Variants in PPP1R12B observed in about 807,000 individuals in gnomAD.
The protein encoded by PPP1R12B is myosin phosphatase target subunit 2.
A neutral mutation model predicts 126.1 loss-of-function variants in PPP1R12B; 76 were observed. That is an observed-to-expected ratio of 0.60 (90% CI 0.50 to 0.73). The LOEUF is 0.73. PPP1R12B is among the 30% of genes least tolerant of loss of function. The pLI is 0.00. For missense variants in PPP1R12B, 1,052 were observed against 1,205.1 expected (o/e 0.87, Z 1.88); for synonymous variants, 356 against 434.7 (o/e 0.82, Z 2.25).
intron 6 of PPP1R12B, 109 bp from the exon 7 acceptor site, chr1:202,430,622 G>A (rs1471056875): frequency 8.6e-7 from 1 of 1,161,366 alleles, no homozygotes; most frequent in African/African-American, 1.6e-5. Flanking sequence ...CCTCTTTGGT[G>A]TTGGTCCTAT....
chr1:202,365,789 GA>G (rs1659106663), intron 1 of PPP1R12B, among the ~76,000 whole-genome samples: 1 of 152,012 alleles, frequency 6.6e-6, no homozygotes, highest in Non-Finnish European at 1.5e-5. Context: ...CGGATTGCTT[GA>G]TCTTAGCCTG....
chr1:202,550,661 T>C (rs1686216107), intron 18 of PPP1R12B, among the ~76,000 whole-genome samples: 1 of 152,168 alleles, frequency 6.6e-6, no homozygotes, highest in Admixed American at 6.5e-5. Flanking sequence ...AAAGTAAATA[T>C]AGATATTAAA....
At chr1:202,529,639 T>G (rs956386393) in intron 18 of PPP1R12B, among the ~76,000 whole-genome samples, 13 of 152,170 alleles carry the variant, frequency 8.5e-5, no homozygotes, top group African/African-American at 2.9e-4. Context: ...TTCTGAACCT[T>G]CTTTAAGTTA....
Position 202,432,965 on chromosome 1 carries a change from T to G in PPP1R12B, c.1141+1346T>G, listed in dbSNP as rs113297202. Among the ~76,000 whole-genome samples, 278 of 152,304 alleles carry G rather than the reference T, an allele frequency of 1.8e-3. 2 individuals carry two copies. Among genetic ancestry groups the G allele is most frequent in the African/African-American group, 6.5e-3 (270 of 41,580 alleles). On this transcript the variant is annotated intron_variant, in intron 8 of 23. Transcript: ENST00000608999. Reference sequence around the variant, plus strand: ...CATGATGGGAGAATACTACCCTTCTTCATGTCTCAGTCTCTGAGGCTCACT... The same window carrying G: ...CATGATGGGAGAATACTACCCTTCTGCATGTCTCAGTCTCTGAGGCTCACT...
In PPP1R12B at chr1:202,495,658, A is replaced by C; in HGVS notation, c.2424A>C (p.Thr808=). The C allele has an allele frequency of 6.2e-7, 1 of 1,614,160 alleles. No individual in the cohort carries two copies. Reference sequence around the variant, plus strand: ...GGCCCAAGGAACGACGAAGAGGCACAGGCATCAATTTCTGGACAAAGGATG... The same window carrying C: ...GGCCCAAGGAACGACGAAGAGGCACCGGCATCAATTTCTGGACAAAGGATG... ...RRRPKERRRG[T]GINFWTKDED... The change falls in exon 17 of 24, where the codon ACA becomes ACC. Residue 808 remains threonine (T), a synonymous_variant. Coordinates refer to ENST00000608999, the MANE Select transcript of PPP1R12B (RefSeq NM_002481.4).
chr1:202,496,692 A>G (rs927270706), intron 17 of PPP1R12B, 89 bp from the exon 18 acceptor site: 2 of 1,146,824 alleles, frequency 1.7e-6, no homozygotes, highest in Non-Finnish European at 1.3e-6. Context: ...TGAAATGCCA[A>G]GATGCATAAT....
chr1:202,577,032 A>G (rs1231359491), intron 23 of PPP1R12B: 1 of 152,224 alleles, frequency 6.6e-6, no homozygotes, highest in Non-Finnish European at 1.5e-5. Context: ...CTATTGAGCA[A>G]CTACACTGTG....
intron 12 of PPP1R12B, among the ~76,000 whole-genome samples, chr1:202,447,965 C>T (rs1419709782): frequency 6.6e-6 from 1 of 150,592 alleles, no homozygotes; most frequent in Non-Finnish European, 1.5e-5. Context: ...TTACATGTAT[C>T]TTTTAAAATA....
At chr1:202,412,471 C>T (rs1453720754) in intron 1 of PPP1R12B, among the ~76,000 whole-genome samples, 1 of 152,136 alleles carries the variant, frequency 6.6e-6, no homozygotes, top group Non-Finnish European at 1.5e-5. Context: ...TATTTTAGGG[C>T]CTCTGGAATG....
At chr1:202,509,597 T>G (rs1681204742) in intron 18 of PPP1R12B, among the ~76,000 whole-genome samples, 1 of 152,222 alleles carries the variant, frequency 6.6e-6, no homozygotes, top group Non-Finnish European at 1.5e-5. Flanking sequence ...TAAATTTGCC[T>G]TTAAGGCTCA....
intron 1 of PPP1R12B, among the ~76,000 whole-genome samples, chr1:202,362,278 C>A (rs567996815): frequency 2.7e-4 from 41 of 152,156 alleles, no homozygotes; most frequent in Non-Finnish European, 4.6e-4. Context: ...AATTGTTCCT[C>A]CTTGACAGTA....
At chr1:202,449,725 C>T (rs1305429828) in intron 13 of PPP1R12B, among the ~76,000 whole-genome samples, 1 of 151,996 alleles carries the variant, frequency 6.6e-6, no homozygotes, top group Admixed American at 6.5e-5. Context: ...CTTGCTCTGT[C>T]GCCCAGGCTG....
Position 202,591,027 on chromosome 1 carries a change from T to C in PPP1R12B, c.*10467T>C, listed in dbSNP as rs935521599. The C allele has an allele frequency of 2.0e-5, 3 of 152,304 alleles. No homozygotes were observed. Among genetic ancestry groups the C allele is most frequent in the Non-Finnish European group, 4.4e-5 (3 of 68,116 alleles). 9.4% of individuals were successfully genotyped at this position (152,304 alleles called of 1,614,324 possible). ...CACCAGACAGATGCTCTCTCAACTC[T>C]TGCCTCAATTTGTCTCTGCTGTGGG... On this transcript the variant is annotated 3_prime_UTR_variant, in exon 24 of 24. Transcript: ENST00000608999.
intron 18 of PPP1R12B, among the ~76,000 whole-genome samples, chr1:202,555,740 A>G (rs1317035935): frequency 6.6e-6 from 1 of 152,166 alleles, no homozygotes; most frequent in Admixed American, 6.5e-5. Context: ...AGGCTGTTCT[A>G]CTCAGAAGCA....
At position 202,455,960 on chromosome 1, in the gene PPP1R12B, A is replaced by G. The variant is rs968815615; in HGVS notation, c.1850+6789A>G. Among the ~76,000 whole-genome samples, 3 of 152,254 alleles carry G rather than the reference A, an allele frequency of 2.0e-5. No homozygotes were observed. The East Asian group carries it at 5.8e-4, about 29-fold the overall frequency. ...GTGGCTTGCACTGAGATAATGGTAG[A>G]AGAGATAGAGAAAAGTGAATGATCT... is the stretch of plus-strand genomic sequence containing the variant. On this transcript the variant is annotated intron_variant, in intron 13 of 23. Transcript: ENST00000608999.
rs761359113 is a variant in PPP1R12B, at chr1:202,493,147, A to G, written c.1975A>G (p.Arg659Gly). The G allele has an allele frequency of 7.4e-6, 12 of 1,611,998 alleles. No individual in the cohort carries two copies. Among genetic ancestry groups the G allele is most frequent in the African/African-American group, 2.7e-5 (2 of 74,864 alleles). The stretch of plus-strand genomic sequence containing the variant: ...CCTAACAGACCTTCAAGAAGCAGAA[A>G]GGACATTCAGCCGGTCGAGGGCAGA... ...VTLTDLQEAE[R>G]TFSRSRAERQ... The change falls in exon 15 of 24, where the codon AGG (arginine) becomes GGG (glycine). Residue 659 changes from arginine (R) to glycine (G), a missense_variant. Coordinates refer to ENST00000608999, the MANE Select transcript of PPP1R12B (RefSeq NM_002481.4).
intron 13 of PPP1R12B, among the ~76,000 whole-genome samples, chr1:202,486,139 C>T (rs1445521258): frequency 6.6e-6 from 1 of 152,120 alleles, no homozygotes; most frequent in Admixed American, 6.5e-5. Context: ...GCCTGGGCCT[C>T]CCAAAGTGTT....
At chr1:202,544,427 T>G (rs1685448055) in intron 18 of PPP1R12B, among the ~76,000 whole-genome samples, 1 of 152,164 alleles carries the variant, frequency 6.6e-6, no homozygotes, top group Non-Finnish European at 1.5e-5. Flanking sequence ...TATTCTCAAA[T>G]TTTTCTTATT....
chr1:202,421,411 C>T (rs1261490908), intron 2 of PPP1R12B, among the ~76,000 whole-genome samples: 4 of 149,506 alleles, frequency 2.7e-5, no homozygotes, highest in Admixed American at 6.7e-5. Flanking sequence ...CCGAGGCGGG[C>T]GGACTACTTG....
Sources: gnomAD v4.1 joint callset for allele counts (sites outside exome capture counted in the v4.1 genomes callset) on GRCh38, gnomAD v4.1.1 for gene constraint, MANE v1.5 for transcripts, NCBI Gene and HGNC (gene_info 2026-07-23, HGNC 2026-07-21) for gene names.